Variants in PRKN observed in about 807,000 individuals in gnomAD.
PRKN encodes parkin RBR E3 ubiquitin protein ligase.
PRKN carries 56 observed loss-of-function variants against 59.5 expected under a neutral mutation model. The observed-to-expected ratio is 0.94, with a 90% confidence interval of 0.76 to 1.18. PRKN has a LOEUF of 1.18. PRKN is among the 50% of genes most tolerant of loss of function. The pLI is 0.00. For synonymous variants in PRKN, 250 were observed against 222.1 expected (o/e 1.13, Z -1.12); for missense variants, 657 against 596.4 (o/e 1.10, Z -1.06).
chr6:162,459,408 A>C (rs1453473744), intron 1 of PRKN, among the ~76,000 whole-genome samples: 1 of 152,156 alleles, frequency 6.6e-6, no homozygotes, highest in Non-Finnish European at 1.5e-5. Context: ...ATTATTAATT[A>C]ATATTTAATG....
chr6:162,110,536 A>G (rs886529077), intron 4 of PRKN, among the ~76,000 whole-genome samples: 2 of 152,228 alleles, frequency 1.3e-5, no homozygotes, highest in African/African-American at 4.8e-5. Context: ...ATAATTATAA[A>G]TCTTTCTGGT....
intron 1 of PRKN, among the ~76,000 whole-genome samples, chr6:162,574,965 G>T (rs567860020): frequency 4.1e-4 from 63 of 151,954 alleles, no homozygotes; most frequent in African/African-American, 1.5e-3. Context: ...TTAATCCTTT[G>T]TTTTATGCTT....
intron 7 of PRKN, among the ~76,000 whole-genome samples, chr6:161,771,419 C>A (rs999836682): frequency 1.4e-4 from 21 of 149,654 alleles, no homozygotes; most frequent in African/African-American, 4.9e-4. Context: ...TGTGCTTGAG[C>A]CACAAGAAAG....
At chr6:162,540,582 T>C (rs958582362) in intron 1 of PRKN, among the ~76,000 whole-genome samples, 5 of 151,924 alleles carry the variant, frequency 3.3e-5, no homozygotes, top group Admixed American at 2.6e-4. Context: ...CTGAGGCAGG[T>C]GATCACCTGA....
At chr6:162,052,481 T>C (rs1384725493) in intron 5 of PRKN, among the ~76,000 whole-genome samples, 3 of 152,330 alleles carry the variant, frequency 2.0e-5, no homozygotes, top group Middle Eastern at 3.4e-3. Flanking sequence ...TCCACATATA[T>C]GTTGTGATTT....
intron 1 of PRKN, among the ~76,000 whole-genome samples, chr6:162,712,522 T>G (rs1778575013): frequency 6.6e-6 from 1 of 152,152 alleles, no homozygotes; most frequent in African/African-American, 2.4e-5. Flanking sequence ...AGAGTAAATA[T>G]CATGACGCTT....
intron 1 of PRKN, among the ~76,000 whole-genome samples, chr6:162,494,279 C>T (rs986485813): frequency 3.9e-5 from 6 of 152,196 alleles, no homozygotes; most frequent in Admixed American, 6.5e-5. Flanking sequence ...GGGCCTGCAG[C>T]TGTGCTGTGT....
intron 6 of PRKN, among the ~76,000 whole-genome samples, chr6:161,902,552 A>ATCTATCTATCTATCTATCTATT (rs1343265664): frequency 1.7e-5 from 2 of 121,092 alleles, no homozygotes; most frequent in East Asian, 2.5e-4. Flanking sequence ...CTATCTATTT[A>ATCTATCTATCTATCTATCTATT]TTTATTTATT....
intron 4 of PRKN, among the ~76,000 whole-genome samples, chr6:162,105,966 C>T (rs562503537): frequency 1.1e-4 from 16 of 152,186 alleles, no homozygotes; most frequent in African/African-American, 3.6e-4. Flanking sequence ...CATACTTGCC[C>T]GGCCACATAA....
chr6:162,592,511 G>T (rs1254491972), intron 1 of PRKN, among the ~76,000 whole-genome samples: 5 of 152,160 alleles, frequency 3.3e-5, no homozygotes, highest in African/African-American at 1.2e-4. Flanking sequence ...GTGCCGATCA[G>T]TATTGGAACT....
rs528340873 is a variant in PRKN at position 162,524,857 on chromosome 6, C to A, written c.8-81384G>T. ...GTTTTTGTGTCCTCTAAAAAGAATT[C>A]TTGTGTTCCAAACTCTCCCAAGGTT... On this transcript the variant is annotated intron_variant, in intron 1 of 11. Transcript: ENST00000366898. Among the ~76,000 whole-genome samples the A allele has an allele frequency of 3.3e-5, 5 of 152,218 alleles. No individual in the cohort carries two copies. In the East Asian group the frequency reaches 9.7e-4, roughly 29 times the overall value.
intron 4 of PRKN, among the ~76,000 whole-genome samples, chr6:162,139,367 G>C (rs1358113361): frequency 6.6e-6 from 1 of 152,174 alleles, no homozygotes; most frequent in African/African-American, 2.4e-5. Flanking sequence ...GCCTTCCCTT[G>C]AAGAGCGGAC....
At chr6:162,704,211 A>G (rs551514127) in intron 1 of PRKN, among the ~76,000 whole-genome samples, 2 of 152,254 alleles carry the variant, frequency 1.3e-5, no homozygotes, top group East Asian at 3.9e-4. Context: ...CTATACCACC[A>G]GGCTCAGGTG....
intron 4 of PRKN, among the ~76,000 whole-genome samples, chr6:162,168,714 T>C (rs953944323): frequency 5.2e-4 from 79 of 152,066 alleles, no homozygotes; most frequent in Admixed American, 2.0e-3. Flanking sequence ...ATTATCGCTA[T>C]TTATGTTATT....
At chr6:162,411,368 A>C (rs2128154776) in intron 2 of PRKN, among the ~76,000 whole-genome samples, 1 of 152,284 alleles carries the variant, frequency 6.6e-6, no homozygotes, top group South Asian at 2.1e-4. Flanking sequence ...TTTACTTTCT[A>C]GACAAAAGAT....
intron 5 of PRKN, among the ~76,000 whole-genome samples, chr6:162,008,711 A>C (rs1328822350): frequency 6.6e-6 from 1 of 152,158 alleles, no homozygotes; most frequent in Non-Finnish European, 1.5e-5. Flanking sequence ...AGAAAAATAC[A>C]TCCTGAGAAC....
At chr6:162,197,381 A>G (rs1342927510) in intron 4 of PRKN, among the ~76,000 whole-genome samples, 2 of 152,172 alleles carry the variant, frequency 1.3e-5, no homozygotes, top group Non-Finnish European at 1.5e-5. Flanking sequence ...GACTAGCTAC[A>G]CTAGATCTAG....
chr6:162,085,311 A>G (rs1326525846), intron 4 of PRKN, among the ~76,000 whole-genome samples: 11 of 151,876 alleles, frequency 7.2e-5, no homozygotes, highest in Admixed American at 7.2e-4. Flanking sequence ...TATATTATGG[A>G]TTGTCTAACT....
intron 2 of PRKN, among the ~76,000 whole-genome samples, chr6:162,359,077 A>ATATATAT (rs61153926): frequency 8.4e-4 from 81 of 96,152 alleles, no homozygotes; most frequent in African/African-American, 3.1e-3. Context: ...AAAAAAAAAA[A>ATATATAT]AAATATATAT....
Sources: allele counts gnomAD v4.1 joint callset (sites outside exome capture counted in the v4.1 genomes callset), GRCh38; gene constraint gnomAD v4.1.1; transcripts MANE v1.5; gene names NCBI Gene and HGNC (gene_info 2026-07-23, HGNC 2026-07-21).